NRXN3: variants seen among roughly 807,000 people sequenced by gnomAD.
The protein encoded by NRXN3 is neurexin 3.
A neutral mutation model predicts 137.6 loss-of-function variants in NRXN3; 32 were observed. The ratio of observed to expected loss-of-function variants is 0.23; its 90% CI spans 0.18 to 0.31. The LOEUF (loss-of-function observed/expected upper bound fraction) is 0.31. Ranked by LOEUF, NRXN3 falls within the 10% of genes least tolerant of loss-of-function variation. NRXN3 has a pLI of 1.00. For synonymous variants in NRXN3, 798 were observed against 784.5 expected, an observed-to-expected ratio of 1.02 and a Z score of -0.29; for missense variants, 1,574 against 2,062.5, an observed-to-expected ratio of 0.76 and a Z score of 4.59.
chr14:78,246,063 C>T (rs1040615128), intron 2 of NRXN3, among the ~76,000 whole-genome samples: 1 of 152,190 alleles, frequency 6.6e-6, no homozygotes, highest in Admixed American at 6.5e-5. Flanking sequence ...CTGTTCTGTT[C>T]TCAAAACTTG....
intron 4 of NRXN3, among the ~76,000 whole-genome samples, chr14:78,535,070 C>A (rs2096520977): frequency 6.8e-6 from 1 of 147,984 alleles, no homozygotes. Context: ...GTGTAATGAG[C>A]AAATTAGAGC....
intron 10 of NRXN3, among the ~76,000 whole-genome samples, chr14:78,881,394 C>T (rs930930229): frequency 6.6e-6 from 1 of 151,650 alleles, no homozygotes; most frequent in Non-Finnish European, 1.5e-5. Context: ...TTCCTGGATA[C>T]TTGTTGAATG....
intron 15 of NRXN3, among the ~76,000 whole-genome samples, chr14:79,133,954 A>G (rs1197990074): frequency 1.4e-5 from 2 of 145,964 alleles, no homozygotes; most frequent in African/African-American, 5.5e-5. Context: ...AAAAAAAAGG[A>G]AAGAAAAAAG....
At chr14:78,386,882 T>G (rs73319535) in intron 4 of NRXN3, among the ~76,000 whole-genome samples, 3 of 151,952 alleles carry the variant, frequency 2.0e-5, no homozygotes, top group Non-Finnish European at 4.4e-5. Flanking sequence ...CCATTTCAAG[T>G]GATTGTCCTA....
At chr14:78,407,735 G>C (rs2092576636) in intron 4 of NRXN3, among the ~76,000 whole-genome samples, 1 of 151,976 alleles carries the variant, frequency 6.6e-6, no homozygotes, top group East Asian at 1.9e-4. Flanking sequence ...TTTTAATTTT[G>C]CTGCTCAGCC....
intron 15 of NRXN3, among the ~76,000 whole-genome samples, chr14:79,167,312 G>T (rs949747572): frequency 2.0e-5 from 3 of 152,002 alleles, no homozygotes; most frequent in African/African-American, 2.4e-5. Flanking sequence ...GTTATGGATG[G>T]TTTCTTTTCT....
At chr14:78,405,904 C>T (rs1374631878) in intron 4 of NRXN3, among the ~76,000 whole-genome samples, 1 of 152,228 alleles carries the variant, frequency 6.6e-6, no homozygotes, top group Non-Finnish European at 1.5e-5. Context: ...GGTGCTGTTA[C>T]ATTGTCTAGT....
At chr14:78,387,025 C>T (rs898229924) in intron 4 of NRXN3, among the ~76,000 whole-genome samples, 7 of 152,092 alleles carry the variant, frequency 4.6e-5, no homozygotes, top group African/African-American at 1.7e-4. Context: ...AAATGATCCA[C>T]CCTCCTCGGC....
At chr14:79,326,169 G>A (rs755021726) in intron 15 of NRXN3, among the ~76,000 whole-genome samples, 3 of 152,152 alleles carry the variant, frequency 2.0e-5, no homozygotes, top group Non-Finnish European at 4.4e-5. Flanking sequence ...TTAAGACTTG[G>A]AAGTGATGAT....
chr14:78,835,120 ATCAG>A (rs908495045), intron 10 of NRXN3, among the ~76,000 whole-genome samples: 4 of 152,014 alleles, frequency 2.6e-5, no homozygotes, highest in African/African-American at 9.7e-5. Context: ...CATATTATTG[ATCAG>A]TCAGTCTTGG....
At chr14:79,569,038 A>T (rs2097574174) in intron 16 of NRXN3, among the ~76,000 whole-genome samples, 1 of 152,086 alleles carries the variant, frequency 6.6e-6, no homozygotes, top group Non-Finnish European at 1.5e-5. Flanking sequence ...TTAAAAAAAA[A>T]TGGCTATTTT....
At chr14:79,442,516 C>T (rs1045803015) in intron 15 of NRXN3, among the ~76,000 whole-genome samples, 14 of 152,136 alleles carry the variant, frequency 9.2e-5, no homozygotes, top group African/African-American at 3.1e-4. Flanking sequence ...TTTGCTATAA[C>T]CTTGATTATT....
At chr14:78,928,662 G>C (rs551991550) in intron 10 of NRXN3, among the ~76,000 whole-genome samples, 27 of 152,238 alleles carry the variant, frequency 1.8e-4, no homozygotes, top group African/African-American at 6.3e-4. Context: ...AGTATTCCAT[G>C]GTGTTTGTGT....
In NRXN3 at chr14:79,466,602, A is replaced by C. The variant is rs184599543; in HGVS notation, c.3263-619A>C. ...GACTCCATCTCAGAAAGAAAAAAAA[A>C]CTCCTAGAAATCATTTTTGTTACCA... On this transcript the variant is annotated intron_variant, in intron 15 of 20. Coordinates refer to ENST00000335750, the MANE Select transcript of NRXN3 (RefSeq NM_001330195.2). Among the ~76,000 whole-genome samples the C allele has an allele frequency of 4.8e-3, 726 of 152,060 alleles. 7 individuals are homozygous for C. Among genetic ancestry groups the C allele is most frequent in the African/African-American group, 0.017 (704 of 41,444 alleles).
chr14:79,163,850 T>C (rs1028639777), intron 15 of NRXN3, among the ~76,000 whole-genome samples: 1 of 151,922 alleles, frequency 6.6e-6, no homozygotes, highest in African/African-American at 2.4e-5. Flanking sequence ...TTATTTATAG[T>C]ACTTTTTTCT....
At chr14:79,599,277 G>C (rs370649700) in intron 16 of NRXN3, among the ~76,000 whole-genome samples, 1 of 152,100 alleles carries the variant, frequency 6.6e-6, no homozygotes. Flanking sequence ...GATTCTAATT[G>C]CTCTTGTATT....
chr14:79,685,084 T>C (rs17109747), intron 17 of NRXN3, among the ~76,000 whole-genome samples: 1 of 152,132 alleles, frequency 6.6e-6, no homozygotes, highest in Non-Finnish European at 1.5e-5. Flanking sequence ...TTTGAAAATA[T>C]TTGACACCAA....
At chr14:78,549,027 A>T (rs2096662254) in intron 4 of NRXN3, among the ~76,000 whole-genome samples, 1 of 152,156 alleles carries the variant, frequency 6.6e-6, no homozygotes, top group South Asian at 2.1e-4. Context: ...CCCAGACTAT[A>T]CATTGTTCAG....
rs1026641190 is a variant in NRXN3 at position 79,249,430 on chromosome 14, C to G, written c.3263-217791C>G. On this transcript the variant is annotated intron_variant, in intron 15 of 20. Coordinates refer to ENST00000335750, the MANE Select transcript of NRXN3 (RefSeq NM_001330195.2). ...GAAACTAATGAAGGGATTTATTTCC[C>G]AGGTAAGAAAATTAGCAAGTGCTGG... Among the ~76,000 whole-genome samples the G allele has an allele frequency of 2.2e-4, 33 of 152,028 alleles. 1 individual carries two copies. Among genetic ancestry groups the G allele is most frequent in the African/African-American group, 8.0e-4 (33 of 41,400 alleles).
Sources: gnomAD v4.1 joint callset for allele counts (sites outside exome capture counted in the v4.1 genomes callset) on GRCh38, gnomAD v4.1.1 for gene constraint, MANE v1.5 for transcripts, NCBI Gene and HGNC (gene_info 2026-07-23, HGNC 2026-07-21) for gene names.